ATP2A2: variants seen among roughly 807,000 people sequenced by gnomAD.
ATP2A2 encodes sarcoplasmic/endoplasmic reticulum calcium ATPase 2.
A neutral mutation model predicts 109.3 loss-of-function variants in ATP2A2; 14 were observed. The ratio of observed to expected loss-of-function variants is 0.13; its 90% CI spans 0.08 to 0.20. ATP2A2 has a LOEUF of 0.20. Ranked by LOEUF, ATP2A2 falls within the 10% of genes least tolerant of loss-of-function variation. ATP2A2 has a pLI of 1.00. For synonymous variants in ATP2A2, 506 were observed against 490.9 expected, an observed-to-expected ratio of 1.03 and a Z score of -0.41; for missense variants, 657 against 1,321.6, an observed-to-expected ratio of 0.50 and a Z score of 7.80.
intron 4 of ATP2A2, chr12:110,296,261 A>ACTGC (rs1451970837): frequency 2.3e-5 from 8 of 345,186 alleles, no homozygotes; most frequent in African/African-American, 1.7e-4. Flanking sequence ...ATTAAGCTGT[A>ACTGC]CTGCCTCTCA....
chr12:110,310,454 T>G (rs1354454392), intron 5 of ATP2A2, among the ~76,000 whole-genome samples: 1 of 152,216 alleles, frequency 6.6e-6, no homozygotes, highest in Non-Finnish European at 1.5e-5. Flanking sequence ...ATTTTGGGGC[T>G]TCTAGTATAT....
At chr12:110,297,142 T>C (rs1166302603) in intron 5 of ATP2A2, among the ~76,000 whole-genome samples, 1 of 152,150 alleles carries the variant, frequency 6.6e-6, no homozygotes, top group Non-Finnish European at 1.5e-5. Flanking sequence ...ATTTCTTGAC[T>C]CTGAAAGCTA....
chr12:110,330,867 A>G (rs1250424681), intron 8 of ATP2A2: 1 of 152,178 alleles, frequency 6.6e-6, no homozygotes. Context: ...AAAAATGTCT[A>G]AGTACATTTA....
At position 110,301,900 on chromosome 12, in the gene ATP2A2, TTA is replaced by T. The variant is rs753074217; in HGVS notation, c.463+5166_463+5167del. ...CTTTTTTTGGAAGGTTAGGCAAATT[TTA>T]TAGAGTTTATTAATTTGCTCAATGC... On this transcript the variant is annotated intron_variant, in intron 5 of 19. Coordinates refer to ENST00000539276, the MANE Select transcript of ATP2A2 (RefSeq NM_170665.4). Among the ~76,000 whole-genome samples the T allele has an allele frequency of 4.6e-5, 7 of 152,316 alleles. No individual in the cohort carries two copies. In the East Asian group the frequency reaches 5.8e-4, roughly 13 times the overall value.
At chr12:110,311,843 G>T (rs2137769790) in intron 5 of ATP2A2, among the ~76,000 whole-genome samples, 1 of 151,698 alleles carries the variant, frequency 6.6e-6, no homozygotes, top group East Asian at 1.9e-4. Context: ...TTTGAGACCA[G>T]CCTGGGCAAC....
intron 16 of ATP2A2, 136 bp downstream of exon 16, chr12:110,343,570 C>G (rs531830889): frequency 2.0e-6 from 2 of 997,426 alleles, no homozygotes; most frequent in Admixed American, 2.0e-5. Context: ...TGCCCTCTTA[C>G]AGTTCGATGA....
At position 110,350,909 on chromosome 12, in the gene ATP2A2, G is replaced by C. The variant is rs1880333371; in HGVS notation, c.*4439G>C. The C allele has an allele frequency of 6.5e-6, 1 of 154,300 alleles. No homozygotes were observed. Among genetic ancestry groups the C allele is most frequent in the African/African-American group, 2.4e-5 (1 of 41,462 alleles). 9.6% of individuals were successfully genotyped at this position (154,300 alleles called of 1,614,324 possible). On this transcript the variant is annotated 3_prime_UTR_variant, in exon 20 of 20. Coordinates refer to ENST00000539276, the MANE Select transcript of ATP2A2 (RefSeq NM_170665.4). ...TTATTTAATGAAATCAGAAGCAGTA[G>C]ACAGATGTTGGTGCAATACAAATAT...
intron 5 of ATP2A2, among the ~76,000 whole-genome samples, chr12:110,316,857 A>T (rs796124277): frequency 2.6e-5 from 4 of 152,280 alleles, no homozygotes; most frequent in African/African-American, 9.6e-5. Flanking sequence ...GGGAGGTGAG[A>T]GGGTGACAGG....
intron 10 of ATP2A2, 88 bp downstream of exon 10, chr12:110,333,371 T>C (rs1371114874): frequency 3.2e-6 from 4 of 1,262,488 alleles, no homozygotes; most frequent in Non-Finnish European, 4.6e-6. Flanking sequence ...CCTTCCTCCC[T>C]TTTGAAAGTC....
At chr12:110,336,121 T>C (rs2137840733) in intron 11 of ATP2A2, among the ~76,000 whole-genome samples, 1 of 152,352 alleles carries the variant, frequency 6.6e-6, no homozygotes, top group Non-Finnish European at 1.5e-5. Flanking sequence ...CTGCTGAACA[T>C]ACCTCTTTTT....
chr12:110,297,132 A>G (rs767266), intron 5 of ATP2A2, among the ~76,000 whole-genome samples: 141 of 152,144 alleles, frequency 9.3e-4, no homozygotes, highest in African/African-American at 3.2e-3. Context: ...GTCAAGGGTA[A>G]TTTCTTGACT....
chr12:110,327,930 C>G lies in ATP2A2; in HGVS notation c.1008C>G (p.Leu336=), dbSNP rs779524206. ...MAKKNAIVRS[L]PSVETLGCTS... ...AGAAAAATGCCATTGTTCGAAGCCTCCCGTCTGTGGAAACCCTTGGTTGTA... is the reference window on the plus strand; with the variant it reads ...AGAAAAATGCCATTGTTCGAAGCCTGCCGTCTGTGGAAACCCTTGGTTGTA... The change falls in exon 8 of 20, where the codon CTC becomes CTG. Residue 336 remains leucine (L), a synonymous_variant. Coordinates refer to ENST00000539276, the MANE Select transcript of ATP2A2 (RefSeq NM_170665.4). The surrounding 1 kb of genome is among the most constrained non-coding windows in gnomAD (Gnocchi z 4.4). 1.9e-5 allele frequency: 30 copies of G among 1,614,102 alleles called. No homozygotes were observed. Among genetic ancestry groups the G allele is most frequent in the Non-Finnish European group, 2.5e-5 (30 of 1,180,002 alleles).
At chr12:110,312,836 C>T (rs1462114396) in intron 5 of ATP2A2, among the ~76,000 whole-genome samples, 3 of 140,410 alleles carry the variant, frequency 2.1e-5, no homozygotes, top group African/African-American at 2.7e-5. Flanking sequence ...AGGGACAGAG[C>T]GAGACTCTGT....
upstream of ATP2A2, chr12:110,280,780 T>A (rs1388856323): frequency 6.6e-6 from 1 of 152,230 alleles, no homozygotes; most frequent in Non-Finnish European, 1.5e-5. Flanking sequence ...AGGAGCCAGA[T>A]TAGGATGCAG....
At chr12:110,294,969 A>G (rs190634472) in intron 4 of ATP2A2, among the ~76,000 whole-genome samples, 53 of 151,692 alleles carry the variant, frequency 3.5e-4, no homozygotes, top group African/African-American at 1.2e-3. Context: ...ACAGGCGTGC[A>G]CCACCACGCC....
At chr12:110,324,975 C>T (rs1592842278) in intron 6 of ATP2A2, among the ~76,000 whole-genome samples, 1 of 151,790 alleles carries the variant, frequency 6.6e-6, no homozygotes, top group East Asian at 2.0e-4. Flanking sequence ...CACCACCACA[C>T]CTGGCTAATT....
chr12:110,298,282 A>G (rs946864222), intron 5 of ATP2A2, among the ~76,000 whole-genome samples: 1 of 152,208 alleles, frequency 6.6e-6, no homozygotes, highest in African/African-American at 2.4e-5. Context: ...ATAGTGTTAC[A>G]TATATGCCAG....
intron 5 of ATP2A2, among the ~76,000 whole-genome samples, chr12:110,305,210 A>C (rs1412974735): frequency 6.6e-6 from 1 of 152,200 alleles, no homozygotes; most frequent in Non-Finnish European, 1.5e-5. Flanking sequence ...CTGCGATTAT[A>C]GGCAAGAGCC....
Position 110,348,503 on chromosome 12 carries a change from C to G in ATP2A2, c.*2033C>G. On this transcript the variant is annotated 3_prime_UTR_variant, in exon 20 of 20. Transcript: ENST00000539276. ...GAGGGTTAGGAGGCATCAAGCAGGA[C>G]AAGGTGCTGCTGAGTTCAGAGGGCC... 1.0e-6 allele frequency: 1 copy of G among 985,534 alleles called. No individual in the cohort carries two copies. The highest frequency in any genetic ancestry group is 1.2e-6 in the Non-Finnish European group (1 of 830,046). The allele number at this position is 985,534 out of a possible 1,614,324, so 61.0% of individuals were successfully genotyped here. A position where few individuals can be genotyped will look rare whatever the true frequency, so the allele number is the denominator to read the frequency against.
Sources: gnomAD v4.1 joint callset for allele counts (sites outside exome capture counted in the v4.1 genomes callset) on GRCh38, gnomAD v4.1.1 for gene constraint, Gnocchi (gnomAD v3.1) non-coding constraint, MANE v1.5 for transcripts, NCBI Gene and HGNC (gene_info 2026-07-23, HGNC 2026-07-21) for gene names.